HNF4G: variants seen among roughly 807,000 people sequenced by gnomAD.
The protein encoded by HNF4G is hepatocyte nuclear factor 4-gamma.
HNF4G carries 21 observed loss-of-function variants against 50.9 expected under a neutral mutation model. The observed-to-expected ratio is 0.41, with a 90% CI of 0.29 to 0.59. The LOEUF is 0.59. HNF4G is among the 20% of genes least tolerant of loss of function. HNF4G has a pLI of 0.26. For synonymous variants in HNF4G, 198 were observed against 185.6 expected (o/e 1.07, Z -0.54); for missense variants, 527 against 559.4 (o/e 0.94, Z 0.58).
At chr8:75,491,297 G>T (rs1812623359) in intron 2 of HNF4G, among the ~76,000 whole-genome samples, 1 of 152,008 alleles carries the variant, frequency 6.6e-6, no homozygotes, top group Non-Finnish European at 1.5e-5. Flanking sequence ...TTTACTTGAA[G>T]ATTTACTTTT....
chr8:75,535,116 G>A (rs1806426185), upstream of HNF4G, among the ~76,000 whole-genome samples: 1 of 151,430 alleles, frequency 6.6e-6, no homozygotes. Flanking sequence ...TGGGCTTTAG[G>A]AAAAAAATGT....
chr8:75,553,293 T>C, intron 5 of HNF4G, 96 bp downstream of exon 5: 1 of 964,394 alleles, frequency 1.0e-6, no homozygotes, highest in Non-Finnish European at 1.5e-6. Context: ...ATATTCTATA[T>C]TACTGTATTT....
chr8:75,423,571 T>C (rs1810822776), intron 1 of HNF4G, among the ~76,000 whole-genome samples: 1 of 151,798 alleles, frequency 6.6e-6, no homozygotes, highest in Middle Eastern at 3.4e-3. Flanking sequence ...TTTGTATTTT[T>C]AGTAGAGACG....
intron 1 of HNF4G, among the ~76,000 whole-genome samples, chr8:75,486,057 T>C (rs1194541740): frequency 6.6e-6 from 1 of 152,174 alleles, no homozygotes; most frequent in Non-Finnish European, 1.5e-5. Flanking sequence ...CCCTGAATGA[T>C]TATATAGGGC....
chr8:75,454,988 A>T (rs965829578), intron 1 of HNF4G, among the ~76,000 whole-genome samples: 1 of 152,170 alleles, frequency 6.6e-6, no homozygotes, highest in African/African-American at 2.4e-5. Context: ...TTTTGGAAGG[A>T]ATGCTTGCCA....
intron 2 of HNF4G, among the ~76,000 whole-genome samples, chr8:75,497,129 G>C (rs970829137): frequency 6.6e-6 from 1 of 152,060 alleles, no homozygotes; most frequent in African/African-American, 2.4e-5. Flanking sequence ...AACCAAACAG[G>C]GTTGTGTATT....
intron 3 of HNF4G, among the ~76,000 whole-genome samples, chr8:75,550,173 A>C (rs1434536541): frequency 6.6e-6 from 1 of 152,230 alleles, no homozygotes; most frequent in East Asian, 1.9e-4. Flanking sequence ...TTGCTCCAGC[A>C]GAACAAATTA....
intron 1 of HNF4G, among the ~76,000 whole-genome samples, chr8:75,409,669 A>G (rs974674017): frequency 6.0e-5 from 9 of 151,148 alleles, no homozygotes; most frequent in African/African-American, 1.9e-4. Flanking sequence ...TTGTATTTTT[A>G]TTAAAGATGG....
At chr8:75,499,912 G>T (rs1016625812) in intron 2 of HNF4G, among the ~76,000 whole-genome samples, 22 of 152,102 alleles carry the variant, frequency 1.4e-4, no homozygotes, top group African/African-American at 5.1e-4. Flanking sequence ...TGACACAAAT[G>T]CAACTGCTAA....
At chr8:75,503,537 A>G (rs2926588) in intron 2 of HNF4G, among the ~76,000 whole-genome samples, 42,684 of 152,130 alleles carry the variant, frequency 0.28, 7,470 homozygotes, top group African/African-American at 0.5. Flanking sequence ...GTGCTGTGAT[A>G]AGCTAATGTG....
chr8:75,419,281 G>T (rs1585825795), intron 1 of HNF4G, among the ~76,000 whole-genome samples: 1 of 152,126 alleles, frequency 6.6e-6, no homozygotes, highest in East Asian at 1.9e-4. Context: ...ATTTCTTTGA[G>T]GCTTTTGTAC....
chr8:75,445,223 G>C (rs1429392394), intron 1 of HNF4G, among the ~76,000 whole-genome samples: 14 of 98,170 alleles, frequency 1.4e-4, no homozygotes, highest in Non-Finnish European at 2.6e-4. Flanking sequence ...GATGTTCTTT[G>C]AAACCAACGA....
At chr8:75,557,371 G>T (rs1807159690) in intron 6 of HNF4G, among the ~76,000 whole-genome samples, 1 of 152,204 alleles carries the variant, frequency 6.6e-6, no homozygotes, top group South Asian at 2.1e-4. Flanking sequence ...TGTAATCCCA[G>T]CACTTTGGGA....
rs61755717 is a variant in HNF4G, at chr8:75,559,001, A to G, written c.1087A>G (p.Lys363Glu). The G allele has an allele frequency of 4.5e-5, 72 of 1,609,492 alleles. No individual in the cohort carries two copies. The highest frequency in any genetic ancestry group is 5.6e-5 in the Non-Finnish European group (66 of 1,175,912). Residue 363 changes from lysine to glutamate, a missense_variant, in exon 8 of 10, where the codon AAA becomes GAA. Lys to Glu is a moderately conservative substitution (Grantham distance 56, BLOSUM62 1). Coordinates refer to ENST00000396423, the MANE Select transcript of HNF4G (RefSeq NM_004133.5). ...IQFVKLFGMV[K>E]IDNLLQEMLL... The stretch of plus-strand genomic sequence containing the variant: ...GTTTGTTAAACTTTTTGGGATGGTT[A>G]AAATTGACAATCTACTTCAGGAAAT...
chr8:75,443,306 T>G (rs1298335295), intron 1 of HNF4G, among the ~76,000 whole-genome samples: 1 of 152,170 alleles, frequency 6.6e-6, no homozygotes, highest in Non-Finnish European at 1.5e-5. Context: ...CTGAAGGAAC[T>G]AAGACACTTA....
intron 3 of HNF4G, among the ~76,000 whole-genome samples, chr8:75,550,690 T>C (rs1280297474): frequency 8.1e-6 from 1 of 123,038 alleles, no homozygotes; most frequent in Non-Finnish European, 1.6e-5. Flanking sequence ...ATTTGGGGAA[T>C]TACATTACTC....
At chr8:75,558,429 C>T (rs1807194291) in intron 6 of HNF4G, 89 bp from the exon 7 acceptor site, 2 of 1,209,120 alleles carry the variant, frequency 1.7e-6, no homozygotes, top group South Asian at 1.5e-5. Context: ...CTATTTTAAA[C>T]ACCGGTTTGT....
At chr8:75,430,474 TAGAGAGAG>T (rs66481707) in intron 1 of HNF4G, among the ~76,000 whole-genome samples, 37 of 136,072 alleles carry the variant, frequency 2.7e-4, no homozygotes, top group African/African-American at 3.6e-4. Flanking sequence ...GGGTAGGGAG[TAGAGAGAG>T]AGAGAGAGAG....
intron 1 of HNF4G, among the ~76,000 whole-genome samples, chr8:75,449,054 A>G (rs563596184): frequency 5.1e-4 from 78 of 152,276 alleles, no homozygotes; most frequent in African/African-American, 1.9e-3. Context: ...GCTATAATTA[A>G]AGGGCCCCAA....
Sources: gnomAD v4.1 joint callset for allele counts (sites outside exome capture counted in the v4.1 genomes callset) on GRCh38, gnomAD v4.1.1 for gene constraint, MANE v1.5 for transcripts, NCBI Gene and HGNC (gene_info 2026-07-23, HGNC 2026-07-21) for gene names.